CLTC: variants seen among roughly 807,000 people sequenced by gnomAD.
The protein encoded by CLTC is clathrin heavy chain 1.
In CLTC, 16 loss-of-function variants were observed where a neutral mutation model predicts 195.8. The observed-to-expected ratio is 0.08, with a 90% CI of 0.06 to 0.12. The LOEUF (loss-of-function observed/expected upper bound fraction) is 0.12. CLTC is among the 10% of genes least tolerant of loss of function. The probability of loss-of-function intolerance (pLI) is 1.00; values close to 1 mark genes in which losing one functional copy is unlikely to be tolerated. For synonymous variants in CLTC, 667 were observed against 689.4 expected (o/e 0.97, Z 0.51); for missense variants, 796 against 2,027.0 (o/e 0.39, Z 11.66).
At chr17:59,652,010 G>T (rs2032340174) in intron 5 of CLTC, among the ~76,000 whole-genome samples, 2 of 152,198 alleles carry the variant, frequency 1.3e-5, no homozygotes, top group Non-Finnish European at 2.9e-5. Flanking sequence ...TTGTCATTCA[G>T]CAATGTTCAC....
At chr17:59,638,555 G>A (rs931146839) in intron 1 of CLTC, among the ~76,000 whole-genome samples, 4 of 151,956 alleles carry the variant, frequency 2.6e-5, no homozygotes, top group African/African-American at 9.7e-5. Context: ...TCCACCGGTT[G>A]GGGGTGGGAG....
intron 1 of CLTC, among the ~76,000 whole-genome samples, chr17:59,624,414 A>T (rs2031478835): frequency 6.6e-6 from 1 of 151,782 alleles, no homozygotes; most frequent in Non-Finnish European, 1.5e-5. Context: ...GGGTTGTTGA[A>T]ACAAATGCTG....
At chr17:59,677,610 A>G (rs945592919) in intron 17 of CLTC, among the ~76,000 whole-genome samples, 2 of 152,184 alleles carry the variant, frequency 1.3e-5, no homozygotes, top group African/African-American at 4.8e-5. Flanking sequence ...TCAGTTTGAC[A>G]TTGATAGGAT....
chr17:59,633,210 G>A (rs903910399), intron 1 of CLTC, among the ~76,000 whole-genome samples: 1 of 152,138 alleles, frequency 6.6e-6, no homozygotes, highest in African/African-American at 2.4e-5. Flanking sequence ...AACACTCCAG[G>A]CTGGGTGCAG....
Position 59,682,239 on chromosome 17 carries a change from T to C in CLTC, c.3443-32T>C. On this transcript the variant is annotated intron_variant, in intron 21 of 31. Transcript: ENST00000269122. The surrounding 1 kb of genome is among the most constrained non-coding windows in gnomAD (Gnocchi z 6.8). The stretch of plus-strand genomic sequence containing the variant: ...TGAAAGATAAACTAGGATGTTAGTG[T>C]TTGGATATATTTTTTCTTTTTCTAT... 2 of 1,588,922 alleles carry C rather than the reference T, an allele frequency of 1.3e-6. No homozygotes were observed. The highest frequency in any genetic ancestry group is 1.7e-6 in the Non-Finnish European group (2 of 1,165,668).
chr17:59,659,862 C>A (rs541484625), intron 6 of CLTC, among the ~76,000 whole-genome samples: 1 of 151,836 alleles, frequency 6.6e-6, no homozygotes, highest in Admixed American at 6.6e-5. Flanking sequence ...ATGTAATTAA[C>A]GAAAATTACC....
In CLTC at chr17:59,693,360, CTTT is replaced by C. The variant is rs56119322; in HGVS notation, c.4904-350_4904-348del. Among the ~76,000 whole-genome samples, 1,306 of 136,682 alleles carry C rather than the reference CTTT, an allele frequency of 9.6e-3. 3 individuals are homozygous for C. Among genetic ancestry groups the C allele is most frequent in the African/African-American group, 0.019 (676 of 36,194 alleles). 89.7% of individuals were successfully genotyped at this position (136,682 alleles called of 152,430 possible). On this transcript the variant is annotated intron_variant, in intron 31 of 31. Coordinates refer to ENST00000269122, the MANE Select transcript of CLTC (RefSeq NM_004859.4). ...CCAGCCTAGGCAACAGAGCCAGATTCTTTTTTTTTTTTTTTTTTTTAAAAAGTC... is the reference window on the plus strand; with the variant it reads ...CCAGCCTAGGCAACAGAGCCAGATTCTTTTTTTTTTTTTTTTTAAAAAGTC...
Position 59,683,071 on chromosome 17 carries a change from T to C in CLTC, c.3874-24T>C, listed in dbSNP as rs760914785. 1.4e-5 allele frequency: 22 copies of C among 1,613,902 alleles called. No homozygotes were observed. The highest frequency in any genetic ancestry group is 1.9e-5 in the Non-Finnish European group (22 of 1,179,932). ...CTTTTACCATAGATATTCTTATCTT[T>C]AACTGCACATTTCTCTTGTTCAGGA... On this transcript the variant is annotated intron_variant, in intron 24 of 31. Transcript: ENST00000269122. This position sits in a 1 kb window ranked among gnomAD's most constrained non-coding sequence, Gnocchi z 6.1.
Position 59,685,066 on chromosome 17 carries a change from C to T in CLTC, c.4445C>T (p.Thr1482Ile). The change falls in exon 29 of 32, where the codon ACA becomes ATA. Residue 1482 changes from threonine to isoleucine, a missense_variant. Physicochemically the swap from Thr to Ile is moderately conservative, Grantham distance 89. Around this residue, in one of 9 missense-constraint regions of CLTC, gnomAD observed 148 missense variants for 279.5 expected, o/e 0.53. Transcript: ENST00000269122. The surrounding 1 kb of genome is among the most constrained non-coding windows in gnomAD (Gnocchi z 5.0). ...ITEEDYQALR[T>I]SIDAYDNFDN... The stretch of plus-strand genomic sequence containing the variant: ...CTTTTTTTTTTTAAGGCTCTGCGAA[C>T]ATCAATAGATGCTTATGACAACTTT... 1 of 1,573,830 alleles carries T rather than the reference C, an allele frequency of 6.4e-7. No homozygotes were observed. The highest frequency in any genetic ancestry group is 8.7e-7 in the Non-Finnish European group (1 of 1,155,626).
At chr17:59,656,683 T>G (rs2032476315) in intron 6 of CLTC, among the ~76,000 whole-genome samples, 1 of 147,158 alleles carries the variant, frequency 6.8e-6, no homozygotes, top group African/African-American at 2.5e-5. Context: ...TTTTTTTTTT[T>G]TTTTTCTTGA....
chr17:59,688,145 A>G (rs1414520252), intron 30 of CLTC, among the ~76,000 whole-genome samples: 2 of 152,204 alleles, frequency 1.3e-5, no homozygotes, highest in East Asian at 3.8e-4. Flanking sequence ...ATTGTTTTAA[A>G]TGAAGCATGT....
chr17:59,647,720 C>A, intron 3 of CLTC, 54 bp downstream of exon 3: 3 of 1,472,844 alleles, frequency 2.0e-6, no homozygotes, highest in Non-Finnish European at 1.9e-6. Context: ...CGGTTGTGCC[C>A]AGAATGCAGT....
Position 59,666,835 on chromosome 17 carries a change from C to CT in CLTC, c.1987dup (p.Ser663PhefsTer26), listed in dbSNP as rs756559024. The CT allele has an allele frequency of 6.2e-7, 1 of 1,613,754 alleles. No individual in the cohort carries two copies. The highest frequency in any genetic ancestry group is 1.3e-5 in the African/African-American group (1 of 75,010). On this transcript the variant is annotated frameshift_variant, in exon 13 of 32. Coordinates refer to ENST00000269122, the MANE Select transcript of CLTC (RefSeq NM_004859.4). LOFTEE classifies it high-confidence loss of function. This position sits in a 1 kb window ranked among gnomAD's most constrained non-coding sequence, Gnocchi z 4.9. ...ACTTTGGTTCCTTATCAGTAGAAGACTCCCTAGAATGTCTCAGAGCCATGC... is the reference window on the plus strand; with the variant it reads ...ACTTTGGTTCCTTATCAGTAGAAGACTTCCCTAGAATGTCTCAGAGCCATGC...
chr17:59,639,412 A>G (rs2031964908), intron 1 of CLTC, among the ~76,000 whole-genome samples: 1 of 152,208 alleles, frequency 6.6e-6, no homozygotes, highest in Admixed American at 6.5e-5. Context: ...CCATATTCTT[A>G]TAACAGCAAA....
chr17:59,680,983 T>G lies in CLTC; in HGVS notation c.2991T>G (p.Thr997=). 6.2e-7 allele frequency: 1 copy of G among 1,613,966 alleles called. No individual in the cohort carries two copies. Among genetic ancestry groups the G allele is most frequent in the Non-Finnish European group, 8.5e-7 (1 of 1,179,840 alleles). ...CAGTAACTGTAAAGGCTTTCATGAC[T>G]GCAGACCTTCCTAATGAACTCATTG... ...EVSVTVKAFM[T]ADLPNELIEL... is the part of the protein sequence containing the mutation. Residue 997 remains threonine, a synonymous_variant, in exon 19 of 32, where the codon ACT becomes ACG. Coordinates refer to ENST00000269122, the MANE Select transcript of CLTC (RefSeq NM_004859.4).
Position 59,694,512 on chromosome 17 carries a change from A to C in CLTC, c.*660A>C, listed in dbSNP as rs2033379187. The C allele has an allele frequency of 4.4e-6, 1 of 226,952 alleles. No individual in the cohort carries two copies. The highest frequency in any genetic ancestry group is 8.8e-6 in the Non-Finnish European group (1 of 113,910). 14.1% of individuals were successfully genotyped at this position (226,952 alleles called of 1,614,324 possible). A position where few individuals can be genotyped will look rare whatever the true frequency, so the allele number is the denominator to read the frequency against. On this transcript the variant is annotated 3_prime_UTR_variant, in exon 32 of 32. Transcript: ENST00000269122. ...ATGTTTTGCTCACTTCATATGTAACAGGTGCCCTTATGTTGTGCTGTATCC... is the reference window on the plus strand; with the variant it reads ...ATGTTTTGCTCACTTCATATGTAACCGGTGCCCTTATGTTGTGCTGTATCC...
chr17:59,685,932 T>C lies in CLTC; in HGVS notation c.4827+124T>C, dbSNP rs1190857656. 2 of 750,520 alleles carry C rather than the reference T, an allele frequency of 2.7e-6. No individual in the cohort carries two copies. The highest frequency in any genetic ancestry group is 4.1e-6 in the Non-Finnish European group (2 of 488,272). 46.5% of individuals were successfully genotyped at this position (750,520 alleles called of 1,614,324 possible). A position where few individuals can be genotyped will look rare whatever the true frequency, so the allele number is the denominator to read the frequency against. ...AAGTCATTTAGTCGATCATAAAATA[T>C]TCCTGTTCTTTTGAAATTTTTTTTT... is the stretch of plus-strand genomic sequence containing the variant. On this transcript the variant is annotated intron_variant, in intron 30 of 31. Transcript: ENST00000269122. This position sits in a 1 kb window ranked among gnomAD's most constrained non-coding sequence, Gnocchi z 5.0.
rs572556261 is a variant in CLTC at position 59,619,989 on chromosome 17, C to T, written c.-143C>T. ...CCCCGACCCGAGCTCTTTCGTCTGC[C>T]TGCCAGTTTCCTGCGTCCCCGGAGA... On this transcript the variant is annotated 5_prime_UTR_variant, in exon 1 of 32. Transcript: ENST00000269122. The T allele has an allele frequency of 1.5e-5, 10 of 686,080 alleles. No homozygotes were observed. In the African/African-American group the frequency reaches 1.6e-4, roughly 11 times the overall value. 42.5% of individuals were successfully genotyped at this position (686,080 alleles called of 1,614,324 possible). A position where few individuals can be genotyped will look rare whatever the true frequency, so the allele number is the denominator to read the frequency against.
At chr17:59,651,138 A>G (rs906354435) in intron 4 of CLTC, 65 bp from the exon 5 acceptor site, 25 of 1,000,056 alleles carry the variant, frequency 2.5e-5, no homozygotes, top group Admixed American at 2.3e-4. Context: ...GGGGCTACAA[A>G]TAAAGCTGCT....
Sources: gnomAD v4.1 joint callset for allele counts (sites outside exome capture counted in the v4.1 genomes callset) on GRCh38, gnomAD v4.1.1 for gene constraint, gnomAD v4.1.1 regional missense constraint, Gnocchi (gnomAD v3.1) non-coding constraint, MANE v1.5 for transcripts, NCBI Gene and HGNC (gene_info 2026-07-23, HGNC 2026-07-21) for gene names.